PIK3R3: variants seen among roughly 807,000 people sequenced by gnomAD.
PIK3R3 encodes the protein phosphatidylinositol 3-kinase regulatory subunit gamma.
A neutral mutation model predicts 62.9 loss-of-function variants in PIK3R3; 64 were observed. That is an observed-to-expected ratio of 1.02 (90% confidence interval 0.83 to 1.25). The LOEUF is 1.25. Ranked by LOEUF, PIK3R3 falls within the 50% of genes most tolerant of loss-of-function variation. The probability of loss-of-function intolerance (pLI) is 0.00; values close to 1 mark genes in which losing one functional copy is unlikely to be tolerated. For missense variants in PIK3R3, 614 were observed against 561.6 expected (o/e 1.09, Z -0.94); for synonymous variants, 165 against 189.0 (o/e 0.87, Z 1.04).
chr1:46,168,230 G>A, the PIK3R3 span, among the ~76,000 whole-genome samples: 2 of 152,108 alleles, frequency 1.3e-5, no homozygotes, highest in Non-Finnish European at 2.9e-5. Flanking sequence ...TAGGAGGTCT[G>A]TGTCCCTACT....
intron 1 of PIK3R3, among the ~76,000 whole-genome samples, chr1:46,087,122 G>C (rs1364391408): frequency 1.3e-5 from 2 of 152,186 alleles, no homozygotes; most frequent in Admixed American, 1.3e-4. Flanking sequence ...CGTCGTGTGT[G>C]GGGGAATGGT....
At chr1:46,159,235 T>C in the PIK3R3 span, among the ~76,000 whole-genome samples, 1 of 152,222 alleles carries the variant, frequency 6.6e-6, no homozygotes, top group African/African-American at 2.4e-5. Flanking sequence ...ATTTTATTCA[T>C]TTGTTTATTT....
intron 1 of PIK3R3, among the ~76,000 whole-genome samples, chr1:46,089,007 T>C (rs574703382): frequency 6.6e-6 from 1 of 152,310 alleles, no homozygotes; most frequent in Non-Finnish European, 1.5e-5. Context: ...GCTAGAATGA[T>C]ATATCCTGCC....
In PIK3R3 at chr1:46,080,650, A is replaced by C. The variant is rs1208868591; in HGVS notation, c.207T>G (p.Asp69Glu). The change falls in exon 2 of 10, where the codon GAT (aspartate) becomes GAG (glutamate). Residue 69 changes from aspartate (D) to glutamate (E), a missense_variant. Coordinates refer to ENST00000262741, the MANE Select transcript of PIK3R3 (RefSeq NM_003629.4). ...SLQDAEWYWGDISREEVNDKL... is the reference protein window; with the variant it reads ...SLQDAEWYWGEISREEVNDKL... ...AGTAGCATTCTAGTTACCTTGAAATATCCCCCCAGTACCATTCTGCATCCT... is the reference window on the plus strand; with the variant it reads ...AGTAGCATTCTAGTTACCTTGAAATCTCCCCCCAGTACCATTCTGCATCCT... 5.6e-6 allele frequency: 9 copies of C among 1,593,288 alleles called. No homozygotes were observed. The highest frequency in any genetic ancestry group is 7.7e-6 in the Non-Finnish European group (9 of 1,162,952).
chr1:46,061,670 G>C (rs1648495453), intron 6 of PIK3R3, among the ~76,000 whole-genome samples: 1 of 152,132 alleles, frequency 6.6e-6, no homozygotes, highest in South Asian at 2.1e-4. Context: ...TTGGTCTCCG[G>C]AATCAGGGAA....
chr1:46,106,356 T>C (rs1653201745), intron 1 of PIK3R3, among the ~76,000 whole-genome samples: 1 of 152,166 alleles, frequency 6.6e-6, no homozygotes, highest in South Asian at 2.1e-4. Context: ...TAGACCCACC[T>C]TGGCCTCCCA....
At chr1:46,144,498 G>A in the PIK3R3 span, among the ~76,000 whole-genome samples, 98 of 152,278 alleles carry the variant, frequency 6.4e-4, 1 homozygote, top group South Asian at 0.017. Context: ...GGCCAGGTGC[G>A]GTGGCTCATG....
chr1:46,172,668 T>C, the PIK3R3 span, among the ~76,000 whole-genome samples: 1 of 151,948 alleles, frequency 6.6e-6, no homozygotes, highest in Non-Finnish European at 1.5e-5. Flanking sequence ...CCAGTATGAG[T>C]GACAGAGAGA....
intron 1 of PIK3R3, among the ~76,000 whole-genome samples, chr1:46,084,597 ATTC>A (rs2149419282): frequency 6.6e-6 from 1 of 152,334 alleles, no homozygotes; most frequent in South Asian, 2.1e-4. Context: ...AAAATTTATA[ATTC>A]TTCTACTTAC....
chr1:46,094,985 T>C (rs913930516), intron 1 of PIK3R3, among the ~76,000 whole-genome samples: 2 of 152,212 alleles, frequency 1.3e-5, no homozygotes, highest in African/African-American at 4.8e-5. Flanking sequence ...TTTCATAAAA[T>C]TATACTACTA....
the PIK3R3 span, among the ~76,000 whole-genome samples, chr1:46,161,230 G>C: frequency 1.5e-4 from 22 of 151,476 alleles, no homozygotes; most frequent in African/African-American, 5.3e-4. Flanking sequence ...TTAGTAGCTG[G>C]GACTGCAGGC....
At chr1:46,125,285 A>T (rs546570135) in intron 1 of PIK3R3, among the ~76,000 whole-genome samples, 18 of 152,272 alleles carry the variant, frequency 1.2e-4, no homozygotes, top group South Asian at 6.2e-4. Flanking sequence ...TAAGAAGACA[A>T]AAAAACTGGC....
chr1:46,134,448 T>G (rs1210968437), upstream of PIK3R3: 2 of 152,212 alleles, frequency 1.3e-5, no homozygotes, highest in African/African-American at 4.8e-5. Context: ...TTATATGCTT[T>G]CTTATTATTT....
At chr1:46,100,433 T>G (rs1652547990) in intron 1 of PIK3R3, among the ~76,000 whole-genome samples, 1 of 152,212 alleles carries the variant, frequency 6.6e-6, no homozygotes, top group Non-Finnish European at 1.5e-5. Context: ...TGTCATGTAT[T>G]AAGTTTCTTT....
At chr1:46,102,803 TAAAAAAAAAA>T (rs33975572) in intron 1 of PIK3R3, among the ~76,000 whole-genome samples, 19 of 55,768 alleles carry the variant, frequency 3.4e-4, no homozygotes, top group Admixed American at 2.4e-3. Flanking sequence ...GTATATATCT[TAAAAAAAAAA>T]AAAAAAAAAA....
At position 46,055,720 on chromosome 1, in the gene PIK3R3, C is replaced by T. The variant is rs1647823530; in HGVS notation, c.941+75G>A. The T allele has an allele frequency of 3.2e-6, 3 of 932,408 alleles. No homozygotes were observed. The East Asian group carries it at 7.9e-5, about 25-fold the overall frequency. The allele number at this position is 932,408 out of a possible 1,614,324, so 57.8% of individuals were successfully genotyped here. A position where few individuals can be genotyped will look rare whatever the true frequency, so the allele number is the denominator to read the frequency against. On this transcript the variant is annotated intron_variant, in intron 7 of 9. Coordinates refer to ENST00000262741, the MANE Select transcript of PIK3R3 (RefSeq NM_003629.4). ...ATTACAAATCTCTAATCTCTTCTTC[C>T]ACCTCTAGTGTCTCTAGTGCTGGTA... is the stretch of plus-strand genomic sequence containing the variant.
intron 1 of PIK3R3, among the ~76,000 whole-genome samples, chr1:46,098,662 G>A (rs1050960675): frequency 6.6e-6 from 1 of 152,158 alleles, no homozygotes; most frequent in Middle Eastern, 3.2e-3. Context: ...ACAGAAAGTA[G>A]ATTAATAGTT....
At chr1:46,168,862 C>T in the PIK3R3 span, among the ~76,000 whole-genome samples, 1 of 152,140 alleles carries the variant, frequency 6.6e-6, no homozygotes, top group African/African-American at 2.4e-5. Flanking sequence ...AACACACACA[C>T]ACTATCTCCA....
At chr1:46,077,702 G>A in intron 2 of PIK3R3, 89 bp from the exon 3 acceptor site, 1 of 746,468 alleles carries the variant, frequency 1.3e-6, no homozygotes, top group East Asian at 2.5e-5. Context: ...TTACTACTAA[G>A]GCAGCTTCGG....
Sources: allele counts gnomAD v4.1 joint callset (sites outside exome capture counted in the v4.1 genomes callset), GRCh38; gene constraint gnomAD v4.1.1; transcripts MANE v1.5; gene names NCBI Gene and HGNC (gene_info 2026-07-23, HGNC 2026-07-21).